Variants in BTBD9 observed in about 807,000 individuals in gnomAD.
BTBD9 encodes the protein BTB domain containing 9, also known as BTB/POZ domain-containing protein 9.
In BTBD9, 49 loss-of-function variants were observed where a neutral mutation model predicts 64.3. That is an observed-to-expected ratio of 0.76 (90% CI 0.61 to 0.97). BTBD9 has a LOEUF of 0.97. BTBD9 is among the 50% of genes least tolerant of loss of function. The pLI is 0.00. For missense variants in BTBD9, 598 were observed against 762.1 expected, an observed-to-expected ratio of 0.78 and a Z score of 2.53; for synonymous variants, 260 against 274.7, an observed-to-expected ratio of 0.95 and a Z score of 0.53.
chr6:38,424,675 C>T (rs1357119369), intron 6 of BTBD9, among the ~76,000 whole-genome samples: 1 of 151,260 alleles, frequency 6.6e-6, no homozygotes, highest in East Asian at 2.0e-4. Flanking sequence ...CACCACCACG[C>T]CGGGCTTATT....
chr6:38,388,218 A>AC (rs1301177795), intron 6 of BTBD9, among the ~76,000 whole-genome samples: 5 of 124,620 alleles, frequency 4.0e-5, no homozygotes, highest in African/African-American at 1.7e-4. Flanking sequence ...ACTGCCCCTG[A>AC]CAAAAAAAAA....
chr6:38,585,938 C>CCCCA (rs1554174218), intron 4 of BTBD9, among the ~76,000 whole-genome samples: 1 of 140,758 alleles, frequency 7.1e-6, no homozygotes, highest in Non-Finnish European at 1.5e-5. Context: ...ACAGGACAGA[C>CCCCA]CACACACACA....
At chr6:38,375,947 GA>G (rs1765676930) in intron 6 of BTBD9, among the ~76,000 whole-genome samples, 11 of 81,490 alleles carry the variant, frequency 1.3e-4, no homozygotes, top group Admixed American at 8.6e-4. Context: ...AAGAAGGAAA[GA>G]AGGAAAGAAA....
At chr6:38,557,269 C>G (rs1368369460) in intron 6 of BTBD9, among the ~76,000 whole-genome samples, 1 of 151,820 alleles carries the variant, frequency 6.6e-6, no homozygotes, top group Non-Finnish European at 1.5e-5. Context: ...TCACTTCACC[C>G]CGGAGGCAGA....
intron 6 of BTBD9, among the ~76,000 whole-genome samples, chr6:38,558,944 AGTAGAATGG>A (rs1252608899): frequency 6.6e-6 from 1 of 152,188 alleles, no homozygotes; most frequent in Non-Finnish European, 1.5e-5. Flanking sequence ...GAATCATTTC[AGTAGAATGG>A]GTAGAATGGG....
chr6:38,195,813 C>T (rs1213593400), intron 9 of BTBD9, among the ~76,000 whole-genome samples: 4 of 152,034 alleles, frequency 2.6e-5, no homozygotes, highest in Non-Finnish European at 5.9e-5. Context: ...GAACTATACA[C>T]GTATGTATTA....
chr6:38,192,408 G>A, intron 10 of BTBD9, 111 bp downstream of exon 10: 1 of 960,082 alleles, frequency 1.0e-6, no homozygotes, highest in South Asian at 1.5e-5. Flanking sequence ...CAAGCTGTCT[G>A]AATAGCAGGC....
intron 9 of BTBD9, among the ~76,000 whole-genome samples, chr6:38,239,005 G>A (rs939874524): frequency 1.3e-5 from 2 of 152,140 alleles, no homozygotes; most frequent in African/African-American, 2.4e-5. Context: ...GAAAGAAGGG[G>A]TCCATTTGGA....
intron 6 of BTBD9, among the ~76,000 whole-genome samples, chr6:38,373,719 G>A (rs1254643543): frequency 6.6e-6 from 1 of 151,896 alleles, no homozygotes; most frequent in Non-Finnish European, 1.5e-5. Flanking sequence ...GTAGAGACAG[G>A]GTCTCACTAT....
intron 6 of BTBD9, among the ~76,000 whole-genome samples, chr6:38,454,394 A>G (rs955323110): frequency 3.9e-5 from 6 of 151,986 alleles, no homozygotes; most frequent in Non-Finnish European, 8.8e-5. Context: ...ATTCAAATTT[A>G]AAGACATCTT....
chr6:38,581,020 C>T (rs2748167), intron 4 of BTBD9, among the ~76,000 whole-genome samples: 12,800 of 152,180 alleles, frequency 0.084, 1,389 homozygotes, highest in African/African-American at 0.25. Flanking sequence ...CAGTAAAACC[C>T]CGTCTCAACT....
intron 8 of BTBD9, among the ~76,000 whole-genome samples, chr6:38,283,909 G>T (rs1157033459): frequency 6.6e-6 from 1 of 152,174 alleles, no homozygotes; most frequent in African/African-American, 2.4e-5. Flanking sequence ...ACCTGTCATT[G>T]GTCAATTACT....
chr6:38,469,751 A>T (rs1770558384), intron 6 of BTBD9, among the ~76,000 whole-genome samples: 1 of 152,180 alleles, frequency 6.6e-6, no homozygotes, highest in African/African-American at 2.4e-5. Context: ...TGAATTGCAC[A>T]AATATCACTT....
chr6:38,407,271 T>A (rs1232973552), intron 6 of BTBD9, among the ~76,000 whole-genome samples: 1 of 152,222 alleles, frequency 6.6e-6, no homozygotes, highest in Non-Finnish European at 1.5e-5. Flanking sequence ...ATGAGTTGTT[T>A]TCAATAAATT....
At chr6:38,585,978 A>ACG (rs1776504698) in intron 4 of BTBD9, among the ~76,000 whole-genome samples, 1 of 150,670 alleles carries the variant, frequency 6.6e-6, no homozygotes, top group African/African-American at 2.5e-5. Context: ...ACACACACAC[A>ACG]CGCATATTTA....
intron 6 of BTBD9, among the ~76,000 whole-genome samples, chr6:38,460,083 A>G (rs898880855): frequency 3.9e-5 from 6 of 152,216 alleles, no homozygotes; most frequent in African/African-American, 1.4e-4. Context: ...TGCTAATACA[A>G]TTATTTCGGG....
At chr6:38,549,033 CCT>C (rs1562326258) in intron 6 of BTBD9, among the ~76,000 whole-genome samples, 1 of 152,122 alleles carries the variant, frequency 6.6e-6, no homozygotes, top group Non-Finnish European at 1.5e-5. Context: ...CCAAATCTAG[CCT>C]CTCAGTATAA....
intron 1 of BTBD9, among the ~76,000 whole-genome samples, chr6:38,612,612 T>A (rs1777647170): frequency 6.6e-6 from 1 of 152,182 alleles, no homozygotes; most frequent in African/African-American, 2.4e-5. Context: ...CCAAGATGAC[T>A]TAAGGAATGG....
intron 6 of BTBD9, among the ~76,000 whole-genome samples, chr6:38,461,513 A>G (rs570698795): frequency 6.6e-6 from 1 of 152,266 alleles, no homozygotes; most frequent in East Asian, 1.9e-4. Flanking sequence ...ATTCTTTATC[A>G]TTTAGTATTT....
Sources: allele counts gnomAD v4.1 joint callset (sites outside exome capture counted in the v4.1 genomes callset), GRCh38; gene constraint gnomAD v4.1.1; transcripts MANE v1.5; gene names NCBI Gene and HGNC (gene_info 2026-07-23, HGNC 2026-07-21).